CLIP1: variants seen among roughly 807,000 people sequenced by gnomAD.
CLIP1 encodes CAP-Gly domain-containing linker protein 1.
Under a neutral mutation model 161.6 loss-of-function variants are expected in CLIP1, and 66 were observed. That is an observed-to-expected ratio of 0.41 (90% CI 0.33 to 0.50). The LOEUF is 0.50. Among genes scored for constraint, CLIP1 ranks in the 20% least tolerant of loss-of-function variants. The probability of loss-of-function intolerance (pLI) is 0.27; values close to 1 mark genes in which losing one functional copy is unlikely to be tolerated. For missense variants in CLIP1, 1,376 were observed against 1,702.0 expected, an observed-to-expected ratio of 0.81 and a Z score of 3.37; for synonymous variants, 598 against 626.2, an observed-to-expected ratio of 0.96 and a Z score of 0.67.
At chr12:122,352,994 T>TAAAAAA (rs55873939) in intron 7 of CLIP1, among the ~76,000 whole-genome samples, 1 of 138,248 alleles carries the variant, frequency 7.2e-6, no homozygotes, top group Non-Finnish European at 1.6e-5. Context: ...TCCTTATATT[T>TAAAAAA]AAAAAAAAAA....
At chr12:122,353,204 G>A (rs953100442) in intron 7 of CLIP1, among the ~76,000 whole-genome samples, 5 of 152,116 alleles carry the variant, frequency 3.3e-5, no homozygotes, top group African/African-American at 4.8e-5. Flanking sequence ...AATTAGCCAG[G>A]TGTGGCAGCG....
intron 1 of CLIP1, among the ~76,000 whole-genome samples, chr12:122,406,266 C>T (rs1057013184): frequency 1.3e-5 from 2 of 151,982 alleles, no homozygotes; most frequent in African/African-American, 2.4e-5. Flanking sequence ...GGAAACATGG[C>T]GAAACCCTGT....
chr12:122,292,148 C>A (rs185135422), intron 20 of CLIP1, among the ~76,000 whole-genome samples: 1 of 151,726 alleles, frequency 6.6e-6, no homozygotes, highest in African/African-American at 2.4e-5. Flanking sequence ...TGTGTCACCA[C>A]GCCAGGCTAA....
At chr12:122,390,172 G>GATATATATATATATATATATATAT (rs71082979) in intron 1 of CLIP1, among the ~76,000 whole-genome samples, 2 of 93,534 alleles carry the variant, frequency 2.1e-5, no homozygotes, top group African/African-American at 3.5e-5. Flanking sequence ...CACAGTCTCA[G>GATATATATATATATATATATATAT]ATATATATAT....
intron 21 of CLIP1, among the ~76,000 whole-genome samples, chr12:122,285,638 C>T (rs1003706234): frequency 2.6e-4 from 36 of 136,098 alleles, no homozygotes; most frequent in Non-Finnish European, 4.7e-4. Context: ...CGCACCCGAC[C>T]TTTTTTTTTT....
chr12:122,357,831 C>CT (rs1953546608), intron 5 of CLIP1, among the ~76,000 whole-genome samples: 1 of 149,000 alleles, frequency 6.7e-6, no homozygotes, highest in Non-Finnish European at 1.5e-5. Flanking sequence ...GTCAGCCCCC[C>CT]GCCCGGCCAG....
chr12:122,300,719 G>C (rs140823064), intron 20 of CLIP1, among the ~76,000 whole-genome samples: 76 of 152,246 alleles, frequency 5.0e-4, no homozygotes, highest in African/African-American at 1.8e-3. Context: ...ACATCTCTGT[G>C]ATATAAAAGA....
At chr12:122,299,612 C>CAAAAAAAAAACAAAA (rs1950601698) in intron 20 of CLIP1, among the ~76,000 whole-genome samples, 1 of 62,500 alleles carries the variant, frequency 1.6e-5, no homozygotes. Context: ...ATAAATTCAG[C>CAAAAAAAAAACAAAA]AAAAAAAAAA....
At chr12:122,289,486 C>T (rs957969961) in intron 20 of CLIP1, among the ~76,000 whole-genome samples, 3 of 151,790 alleles carry the variant, frequency 2.0e-5, no homozygotes, top group Non-Finnish European at 2.9e-5. Context: ...TTACTTAAAC[C>T]GCAGAAGTCA....
At chr12:122,345,157 A>C (rs929075069) in intron 10 of CLIP1, among the ~76,000 whole-genome samples, 1 of 151,930 alleles carries the variant, frequency 6.6e-6, no homozygotes, top group Non-Finnish European at 1.5e-5. Flanking sequence ...GTTAATGAGG[A>C]AACAGCACCA....
intron 1 of CLIP1, among the ~76,000 whole-genome samples, chr12:122,411,511 AAG>A (rs1446144546): frequency 6.6e-6 from 1 of 152,202 alleles, no homozygotes; most frequent in African/African-American, 2.4e-5. Context: ...TCAAGTGATG[AAG>A]AGACACAATG....
At chr12:122,281,044 C>T (rs937041125) in intron 21 of CLIP1, among the ~76,000 whole-genome samples, 3 of 152,204 alleles carry the variant, frequency 2.0e-5, no homozygotes, top group Non-Finnish European at 4.4e-5. Context: ...CCCAAGATAT[C>T]CGGCACACAA....
At chr12:122,306,418 G>T (rs998962353) in intron 20 of CLIP1, among the ~76,000 whole-genome samples, 1 of 152,058 alleles carries the variant, frequency 6.6e-6, no homozygotes, top group African/African-American at 2.4e-5. Context: ...CAGAAACTGG[G>T]GCCCTGGCTA....
chr12:122,307,832 C>A (rs182282853), intron 20 of CLIP1, among the ~76,000 whole-genome samples: 11 of 152,268 alleles, frequency 7.2e-5, no homozygotes, highest in African/African-American at 2.6e-4. Context: ...TCTTGGTAAT[C>A]AATGTTTTTC....
intron 1 of CLIP1, among the ~76,000 whole-genome samples, chr12:122,412,004 T>TA (rs1566246532): frequency 1.3e-5 from 2 of 151,496 alleles, no homozygotes; most frequent in African/African-American, 2.4e-5. Flanking sequence ...TGTTATTTTT[T>TA]AAAAAACTGG....
chr12:122,326,408 G>A (rs372733243), intron 17 of CLIP1, among the ~76,000 whole-genome samples: 9 of 152,206 alleles, frequency 5.9e-5, no homozygotes, highest in Admixed American at 5.2e-4. Context: ...GGCCAGGAAC[G>A]ATGAATCACG....
intron 24 of CLIP1, chr12:122,277,935 T>G: frequency 1.9e-6 from 1 of 531,120 alleles, no homozygotes; most frequent in Non-Finnish European, 3.3e-6. Context: ...AATTAACTGT[T>G]TGCAGGGTTG....
chr12:122,387,569 TA>T (rs1566209299), intron 1 of CLIP1, among the ~76,000 whole-genome samples: 128 of 7,790 alleles, frequency 0.016, 2 homozygotes, highest in African/African-American at 0.038. Flanking sequence ...TATATATATA[TA>T]TATATATATA....
At chr12:122,374,845 G>GA in intron 3 of CLIP1, among the ~76,000 whole-genome samples, 1 of 152,256 alleles carries the variant, frequency 6.6e-6, no homozygotes, top group African/African-American at 2.4e-5. Flanking sequence ...GTAGCTCACA[G>GA]AAAGATAAAG....
Sources: gnomAD v4.1 joint callset for allele counts (sites outside exome capture counted in the v4.1 genomes callset) on GRCh38, gnomAD v4.1.1 for gene constraint, MANE v1.5 for transcripts, NCBI Gene and HGNC (gene_info 2026-07-23, HGNC 2026-07-21) for gene names.